The following SV2B variants were observed in gnomAD, a reference collection of about 807,000 sequenced individuals.
SV2B encodes the protein solute carrier family 22 member B2.
In SV2B, 41 loss-of-function variants were observed where a neutral mutation model predicts 73.9. The ratio of observed to expected loss-of-function variants is 0.56; its 90% confidence interval spans 0.43 to 0.72. The LOEUF (loss-of-function observed/expected upper bound fraction) is 0.72. Among genes scored for constraint, SV2B ranks in the 30% least tolerant of loss-of-function variants. The pLI is 0.00. For synonymous variants in SV2B, 314 were observed against 314.2 expected (o/e 1.00, Z 0.01); for missense variants, 764 against 857.8 (o/e 0.89, Z 1.37).
At chr15:91,278,731 T>A (rs1193136882) in intron 9 of SV2B, among the ~76,000 whole-genome samples, 1 of 151,058 alleles carries the variant, frequency 6.6e-6, no homozygotes, top group Admixed American at 6.6e-5. Context: ...CAAGAATTTG[T>A]TTCCTCTTTT....
chr15:91,103,488 T>A (rs2041794996), intron 1 of SV2B, among the ~76,000 whole-genome samples: 1 of 152,228 alleles, frequency 6.6e-6, no homozygotes, highest in Non-Finnish European at 1.5e-5. Context: ...TGACCTTCAG[T>A]GTACCATGAA....
At chr15:91,202,233 T>C (rs2045485786) in intron 1 of SV2B, among the ~76,000 whole-genome samples, 4 of 152,236 alleles carry the variant, frequency 2.6e-5, no homozygotes, top group Admixed American at 6.5e-5. Flanking sequence ...TATTTGTATA[T>C]TTCCTGCCCT....
chr15:91,109,594 A>T (rs912104916), intron 1 of SV2B, among the ~76,000 whole-genome samples: 1 of 152,184 alleles, frequency 6.6e-6, no homozygotes, highest in Non-Finnish European at 1.5e-5. Flanking sequence ...TGAATATTTC[A>T]TGGGCAGGTT....
intron 1 of SV2B, among the ~76,000 whole-genome samples, chr15:91,200,665 T>C (rs569264337): frequency 6.6e-6 from 1 of 152,226 alleles, no homozygotes; most frequent in South Asian, 2.1e-4. Flanking sequence ...AATTCCAACT[T>C]TGGGAGGCCA....
At chr15:91,147,104 T>C (rs2043168738) in intron 1 of SV2B, among the ~76,000 whole-genome samples, 1 of 152,254 alleles carries the variant, frequency 6.6e-6, no homozygotes, top group African/African-American at 2.4e-5. Context: ...CAATAGGAAC[T>C]CATATTTATT....
chr15:91,232,340 G>A lies in SV2B; in HGVS notation c.451+5626G>A, dbSNP rs922307115. Among the ~76,000 whole-genome samples, 7 of 152,196 alleles carry A rather than the reference G, an allele frequency of 4.6e-5. No homozygotes were observed. Among genetic ancestry groups the A allele is most frequent in the African/African-American group, 1.4e-4 (6 of 41,452 alleles). Reference sequence around the variant, plus strand: ...GATAGACTGATTACTTGATGCTCTTGTGAGAACAAAAACCATCAGAAGAAA... The same window carrying A: ...GATAGACTGATTACTTGATGCTCTTATGAGAACAAAAACCATCAGAAGAAA... On this transcript the variant is annotated intron_variant, in intron 2 of 12. Coordinates refer to ENST00000394232, the MANE Select transcript of SV2B (RefSeq NM_001323032.3). The surrounding 1 kb of genome is among the most constrained non-coding windows in gnomAD (Gnocchi z 4.7).
intron 1 of SV2B, among the ~76,000 whole-genome samples, chr15:91,166,818 C>CTTTT (rs758428764): frequency 3.6e-5 from 5 of 139,134 alleles, no homozygotes; most frequent in African/African-American, 1.1e-4. Context: ...GTTTTCTTTT[C>CTTTT]TTTTTTTTTT....
At chr15:91,194,505 A>G (rs1409719727) in intron 1 of SV2B, among the ~76,000 whole-genome samples, 1 of 152,186 alleles carries the variant, frequency 6.6e-6, no homozygotes, top group Non-Finnish European at 1.5e-5. Flanking sequence ...GTGGATTTGC[A>G]GAGTCTTAGA....
rs1015787645 is a variant in SV2B at position 91,284,698 on chromosome 15, T to A, written c.1708+477T>A. Among the ~76,000 whole-genome samples the A allele has an allele frequency of 6.6e-6, 1 of 152,224 alleles. No individual in the cohort carries two copies. The highest frequency in any genetic ancestry group is 2.4e-5 in the African/African-American group (1 of 41,466). The stretch of plus-strand genomic sequence containing the variant: ...CACCGAAAGGCTGTTTGACCTTGAA[T>A]GTGTTCCTTTACTTCTCTGGGCCTC... On this transcript the variant is annotated intron_variant, in intron 11 of 12. Transcript: ENST00000394232. This position sits in a 1 kb window ranked among gnomAD's most constrained non-coding sequence, Gnocchi z 4.5.
rs62026599 is a variant in SV2B, at chr15:91,261,548, C to T, written c.1008+1139C>T. ...GCACATAGTTCCTTCCCCTTCATGTCCTAGGATTGTTTTATTTCTAGGAGT... is the reference window on the plus strand; with the variant it reads ...GCACATAGTTCCTTCCCCTTCATGTTCTAGGATTGTTTTATTTCTAGGAGT... On this transcript the variant is annotated intron_variant, in intron 6 of 12. Coordinates refer to ENST00000394232, the MANE Select transcript of SV2B (RefSeq NM_001323032.3). The surrounding 1 kb of genome is among the most constrained non-coding windows in gnomAD (Gnocchi z 4.7). Among the ~76,000 whole-genome samples, 22,692 of 151,968 alleles carry T rather than the reference C, an allele frequency of 0.15. 1,923 individuals carry two copies. Among genetic ancestry groups the T allele is most frequent in the African/African-American group, 0.22 (9,001 of 41,418 alleles).
At chr15:91,264,477 C>A (rs537559710) in intron 6 of SV2B, among the ~76,000 whole-genome samples, 110 of 152,242 alleles carry the variant, frequency 7.2e-4, no homozygotes, top group Non-Finnish European at 1.3e-3. Context: ...TGGGCCATTG[C>A]CTCATTTGGA....
In SV2B at chr15:91,118,961, T is replaced by G. The variant is rs1261508685; in HGVS notation, c.-392+18598T>G. ...TGTCTCGGCTTGGAGGCAGGGCCTGTGGGGGTGGGCGTGCTGGCTGATCCG... is the reference window on the plus strand; with the variant it reads ...TGTCTCGGCTTGGAGGCAGGGCCTGGGGGGGTGGGCGTGCTGGCTGATCCG... On this transcript the variant is annotated intron_variant, in intron 1 of 12. Transcript: ENST00000394232. This position sits in a 1 kb window ranked among gnomAD's most constrained non-coding sequence, Gnocchi z 4.7. 6.6e-6 allele frequency among the ~76,000 whole-genome samples: 1 copy of G among 152,126 alleles called. No individual in the cohort carries two copies.
chr15:91,292,360 C>T lies in SV2B; in HGVS notation c.1869-9C>T, dbSNP rs1270247047. The T allele has an allele frequency of 6.2e-7, 1 of 1,612,040 alleles. No homozygotes were observed. The highest frequency in any genetic ancestry group is 1.7e-5 in the Admixed American group (1 of 59,892). ...GAATGTCAGAATTATTTCCATTCCT[C>T]TTTTACAGAGCAACAGCCTTCGGCA... On this transcript the variant is annotated splice_polypyrimidine_tract_variant and intron_variant, in intron 12 of 12. Transcript: ENST00000394232.
At chr15:91,138,160 CA>C (rs1350894246) in intron 1 of SV2B, among the ~76,000 whole-genome samples, 2 of 152,100 alleles carry the variant, frequency 1.3e-5, no homozygotes, top group Non-Finnish European at 2.9e-5. Context: ...CCAACAATAA[CA>C]AAAACCAACC....
intron 1 of SV2B, among the ~76,000 whole-genome samples, chr15:91,182,949 A>C (rs1230349759): frequency 1.3e-5 from 2 of 152,192 alleles, no homozygotes; most frequent in East Asian, 3.8e-4. Flanking sequence ...CTCCCTCTTC[A>C]TATTCACAGC....
At position 91,180,877 on chromosome 15, in the gene SV2B, C is replaced by G. The variant is rs373950243; in HGVS notation, c.-391-44996C>G. On this transcript the variant is annotated intron_variant, in intron 1 of 12. Transcript: ENST00000394232. ...CTCGGAGTAGTTTGATCGTCTGAAG[C>G]CTTCTTCTCTCAACTCGTCAAAGTC... Among the ~76,000 whole-genome samples, 3 of 152,194 alleles carry G rather than the reference C, an allele frequency of 2.0e-5. No homozygotes were observed. In the East Asian group the frequency reaches 5.8e-4, roughly 29 times the overall value.
At position 91,166,749 on chromosome 15, in the gene SV2B, C is replaced by A. The variant is rs2043925529; in HGVS notation, c.-391-59124C>A. On this transcript the variant is annotated intron_variant, in intron 1 of 12. Coordinates refer to ENST00000394232, the MANE Select transcript of SV2B (RefSeq NM_001323032.3). ...TGTTTATTCCTCTGTTGAATCCATA[C>A]AGGGAGTTTATAATTTCAGTTATTG... Among the ~76,000 whole-genome samples the A allele has an allele frequency of 4.6e-5, 7 of 151,960 alleles. No individual in the cohort carries two copies. In the South Asian group the frequency reaches 1.5e-3, roughly 32 times the overall value.
chr15:91,275,551 A>G (rs978565378), intron 9 of SV2B, among the ~76,000 whole-genome samples: 2 of 152,222 alleles, frequency 1.3e-5, no homozygotes, highest in African/African-American at 4.8e-5. Flanking sequence ...TAGGCTGGAC[A>G]TAGTGGCTCA....
intron 1 of SV2B, among the ~76,000 whole-genome samples, chr15:91,112,208 ATC>A (rs1413409227): frequency 2.0e-5 from 3 of 152,070 alleles, no homozygotes; most frequent in African/African-American, 7.2e-5. Flanking sequence ...GCCCACTAGA[ATC>A]TCTTGTGGGT....
Sources: allele counts gnomAD v4.1 joint callset (sites outside exome capture counted in the v4.1 genomes callset), GRCh38; gene constraint gnomAD v4.1.1; non-coding constraint Gnocchi (gnomAD v3.1); transcripts MANE v1.5; gene names NCBI Gene and HGNC (gene_info 2026-07-23, HGNC 2026-07-21).